PAQR5: variants seen among roughly 807,000 people sequenced by gnomAD.
PAQR5 encodes the protein progestin and adipoQ receptor family member 5.
A neutral mutation model predicts 34.5 loss-of-function variants in PAQR5; 20 were observed. The ratio of observed to expected loss-of-function variants is 0.58; its 90% CI spans 0.41 to 0.84. The LOEUF is 0.84. PAQR5 is among the 40% of genes least tolerant of loss of function. The pLI, the probability that PAQR5 is intolerant of heterozygous loss-of-function variation, is 0.00. For synonymous variants in PAQR5, 131 were observed against 155.6 expected (o/e 0.84, Z 1.18); for missense variants, 378 against 412.7 (o/e 0.92, Z 0.73).
At chr15:69,399,701 A>C (rs1284680882) in intron 7 of PAQR5, among the ~76,000 whole-genome samples, 2 of 152,096 alleles carry the variant, frequency 1.3e-5, no homozygotes, top group East Asian at 3.9e-4. Context: ...AAACCAAAAG[A>C]CTCTCATGAG....
chr15:69,387,480 A>G (rs2056144460), intron 5 of PAQR5, among the ~76,000 whole-genome samples: 1 of 152,152 alleles, frequency 6.6e-6, no homozygotes, highest in Admixed American at 6.5e-5. Context: ...GTATGTTCTG[A>G]TGATTAAATG....
intron 6 of PAQR5, among the ~76,000 whole-genome samples, chr15:69,390,356 A>ATTTTTTTTTT (rs144601337): frequency 1.5e-5 from 2 of 132,662 alleles, no homozygotes; most frequent in Admixed American, 8.0e-5. Context: ...TTATTTATTT[A>ATTTTTTTTTT]TTTATTTTTT....
intron 3 of PAQR5, among the ~76,000 whole-genome samples, chr15:69,370,321 C>T (rs2055525137): frequency 6.6e-6 from 1 of 152,140 alleles, no homozygotes; most frequent in East Asian, 1.9e-4. Context: ...GTCGACAGTC[C>T]TTGTCTTGCC....
Position 69,395,328 on chromosome 15 carries a change from TGGG to T in PAQR5, c.513-2137_513-2135del, listed in dbSNP as rs913279760. ...TGCCTGAGACAGAGGGGGTGACACT[TGGG>T]GGCCAGAAAGCCCAGGGTTTAAATC... On this transcript the variant is annotated intron_variant, in intron 6 of 8. Transcript: ENST00000395407. Among the ~76,000 whole-genome samples the T allele has an allele frequency of 1.4e-4, 22 of 152,188 alleles. 1 individual carries two copies. The highest frequency in any genetic ancestry group is 7.4e-5 in the Non-Finnish European group (5 of 68,024).
intron 1 of PAQR5, among the ~76,000 whole-genome samples, chr15:69,322,344 T>C (rs1428432822): frequency 6.7e-6 from 1 of 148,418 alleles, no homozygotes; most frequent in African/African-American, 2.5e-5. Flanking sequence ...AAAAATCAGC[T>C]GGGCGCGGTA....
chr15:69,404,733 A>G lies in PAQR5; in HGVS notation c.*911A>G, dbSNP rs2056729303. On this transcript the variant is annotated 3_prime_UTR_variant, in exon 9 of 9. Coordinates refer to ENST00000395407, the MANE Select transcript of PAQR5 (RefSeq NM_017705.4). The stretch of plus-strand genomic sequence containing the variant: ...GTTGCAAAATTTAGTATCCATATGC[A>G]TAAGAAGTTAATCACCTTGCCAGTG... 2.6e-6 allele frequency: 1 copy of G among 391,456 alleles called. No individual in the cohort carries two copies. The highest frequency in any genetic ancestry group is 4.5e-6 in the Non-Finnish European group (1 of 222,046). 24.2% of individuals were successfully genotyped at this position (391,456 alleles called of 1,614,324 possible).
intron 2 of PAQR5, among the ~76,000 whole-genome samples, chr15:69,348,744 A>G (rs1023428823): frequency 6.9e-6 from 1 of 144,840 alleles, no homozygotes. Context: ...CAGAGACGGT[A>G]GGTTTTTCCG....
At chr15:69,378,648 T>C (rs1229626251) in intron 3 of PAQR5, among the ~76,000 whole-genome samples, 1 of 152,082 alleles carries the variant, frequency 6.6e-6, no homozygotes, top group African/African-American at 2.4e-5. Context: ...TGATTTAGAT[T>C]ATGATTACTA....
chr15:69,374,726 C>T (rs2055658933), intron 3 of PAQR5, among the ~76,000 whole-genome samples: 1 of 152,082 alleles, frequency 6.6e-6, no homozygotes, highest in Admixed American at 6.5e-5. Context: ...CCCCCTTTTC[C>T]CTCCCATTCT....
chr15:69,318,277 G>A (rs1767553287), intron 1 of PAQR5, among the ~76,000 whole-genome samples: 1 of 152,210 alleles, frequency 6.6e-6, no homozygotes, highest in South Asian at 2.1e-4. Flanking sequence ...GGCAAGAAAT[G>A]CATCTCGAAG....
At chr15:69,351,077 T>C (rs866463704) in intron 2 of PAQR5, among the ~76,000 whole-genome samples, 1 of 152,288 alleles carries the variant, frequency 6.6e-6, no homozygotes, top group African/African-American at 2.4e-5. Flanking sequence ...GGAATAGACA[T>C]ACTTAGAGGC....
intron 1 of PAQR5, among the ~76,000 whole-genome samples, chr15:69,300,084 G>A (rs1309362317): frequency 1.3e-5 from 2 of 152,022 alleles, no homozygotes; most frequent in Non-Finnish European, 2.9e-5. Context: ...AGAGCTGCAT[G>A]GTCGCTTCTG....
chr15:69,331,107 AGGGTGTCTGTATAGCCTATGATG>A (rs1014929844), intron 1 of PAQR5, among the ~76,000 whole-genome samples: 3 of 152,202 alleles, frequency 2.0e-5, no homozygotes, highest in African/African-American at 7.2e-5. Flanking sequence ...GCCCTATCAC[AGGGTGTCTGTATAGCCTATGATG>A]GGGTGTCTGT....
chr15:69,365,748 A>C (rs572556868), intron 3 of PAQR5, among the ~76,000 whole-genome samples: 1 of 152,308 alleles, frequency 6.6e-6, no homozygotes, highest in South Asian at 2.1e-4. Flanking sequence ...AAAATATCTA[A>C]TATTAGAATT....
intron 4 of PAQR5, among the ~76,000 whole-genome samples, chr15:69,382,567 C>T (rs2140925099): frequency 6.7e-6 from 1 of 149,030 alleles, no homozygotes; most frequent in South Asian, 2.1e-4. Context: ...ATCACTTGAA[C>T]CCAGGAGGCA....
Position 69,309,878 on chromosome 15 carries a change from A to G in PAQR5, c.-277+10822A>G, listed in dbSNP as rs763292998. 2.6e-5 allele frequency among the ~76,000 whole-genome samples: 4 copies of G among 152,074 alleles called. No individual in the cohort carries two copies. In the South Asian group the frequency reaches 8.3e-4, roughly 32 times the overall value. Reference sequence around the variant, plus strand: ...AGCCTGGACAACAAGGTGAAATGCCATCTCTACAAAAATACAAAAATTAGC... The same window carrying G: ...AGCCTGGACAACAAGGTGAAATGCCGTCTCTACAAAAATACAAAAATTAGC... On this transcript the variant is annotated intron_variant, in intron 1 of 8. Transcript: ENST00000395407.
At chr15:69,363,984 GA>G (rs1306229488) in intron 3 of PAQR5, among the ~76,000 whole-genome samples, 1 of 152,112 alleles carries the variant, frequency 6.6e-6, no homozygotes, top group African/African-American at 2.4e-5. Context: ...ACACAGAGAG[GA>G]AAAGCAACGC....
At position 69,404,737 on chromosome 15, in the gene PAQR5, G is replaced by A. The variant is rs2056729550; in HGVS notation, c.*915G>A. 1 of 392,036 alleles carries A rather than the reference G, an allele frequency of 2.6e-6. No homozygotes were observed. The highest frequency in any genetic ancestry group is 4.4e-5 in the Admixed American group (1 of 22,548). 24.3% of individuals were successfully genotyped at this position (392,036 alleles called of 1,614,324 possible). A position where few individuals can be genotyped will look rare whatever the true frequency, so the allele number is the denominator to read the frequency against. On this transcript the variant is annotated 3_prime_UTR_variant, in exon 9 of 9. Coordinates refer to ENST00000395407, the MANE Select transcript of PAQR5 (RefSeq NM_017705.4). The stretch of plus-strand genomic sequence containing the variant: ...CAAAATTTAGTATCCATATGCATAA[G>A]AAGTTAATCACCTTGCCAGTGGGGT...
intron 2 of PAQR5, among the ~76,000 whole-genome samples, chr15:69,342,453 T>C (rs946977697): frequency 6.6e-6 from 1 of 152,208 alleles, no homozygotes. Context: ...CTTATAGACA[T>C]CTGATTTGCA....
Sources: gnomAD v4.1 joint callset for allele counts (sites outside exome capture counted in the v4.1 genomes callset) on GRCh38, gnomAD v4.1.1 for gene constraint, MANE v1.5 for transcripts, NCBI Gene and HGNC (gene_info 2026-07-23, HGNC 2026-07-21) for gene names.